CDC73: variants seen among roughly 807,000 people sequenced by gnomAD.
CDC73 encodes parafibromin.
CDC73 carries 21 observed loss-of-function variants against 83.7 expected under a neutral mutation model. The ratio of observed to expected loss-of-function variants is 0.25; its 90% CI spans 0.18 to 0.36. The LOEUF is 0.36. Among genes scored for constraint, CDC73 ranks in the 10% least tolerant of loss-of-function variants. CDC73 has a pLI of 1.00. For missense variants in CDC73, 342 were observed against 653.3 expected (o/e 0.52, Z 5.19); for synonymous variants, 224 against 212.9 (o/e 1.05, Z -0.45).
chr1:193,144,168 A>G (rs1675954962), intron 7 of CDC73, among the ~76,000 whole-genome samples: 1 of 150,324 alleles, frequency 6.7e-6, no homozygotes, highest in African/African-American at 2.4e-5. Flanking sequence ...TTATTTTTGC[A>G]AGGACCCCAA....
At chr1:193,234,873 T>G (rs1677730335) in intron 14 of CDC73, among the ~76,000 whole-genome samples, 1 of 150,102 alleles carries the variant, frequency 6.7e-6, no homozygotes, top group South Asian at 2.1e-4. Flanking sequence ...TTTTTTAACT[T>G]AAGATTTAAT....
At chr1:193,211,799 A>G (rs930794723) in intron 11 of CDC73, among the ~76,000 whole-genome samples, 2 of 152,236 alleles carry the variant, frequency 1.3e-5, no homozygotes, top group Non-Finnish European at 2.9e-5. Context: ...TTTTCAGACC[A>G]CAGTGGACTG....
At position 193,205,195 on chromosome 1, in the gene CDC73, T is replaced by TCC. The variant is rs34118735; in HGVS notation, c.1030+1355_1030+1356dup. Among the ~76,000 whole-genome samples the TCC allele has an allele frequency of 7.3e-4, 47 of 64,460 alleles. 3 individuals are homozygous for TCC. Among genetic ancestry groups the TCC allele is most frequent in the African/African-American group, 3.9e-3 (36 of 9,252 alleles). The allele number at this position is 64,460 out of a possible 152,430, so 42.3% of individuals were successfully genotyped here. On this transcript the variant is annotated intron_variant, in intron 11 of 16. Transcript: ENST00000367435. Reference sequence around the variant, plus strand: ...TTTCAGTGCTAGGCTATACCACCTGTCCCCCCCCCCCCCTTTTTTTTTAAA... The same window carrying TCC: ...TTTCAGTGCTAGGCTATACCACCTGTCCCCCCCCCCCCCCCTTTTTTTTTAAA...
chr1:193,144,219 C>T (rs1675955737), intron 7 of CDC73, among the ~76,000 whole-genome samples: 1 of 151,108 alleles, frequency 6.6e-6, no homozygotes, highest in Non-Finnish European at 1.5e-5. Context: ...AGAAAACACA[C>T]CTTTAAACTT....
chr1:193,201,037 T>C (rs1677082407), intron 10 of CDC73, among the ~76,000 whole-genome samples: 1 of 152,186 alleles, frequency 6.6e-6, no homozygotes, highest in Admixed American at 6.5e-5. Context: ...TCTACTGTTT[T>C]GTCATTAGTC....
At chr1:193,145,289 A>C (rs1006093281) in intron 7 of CDC73, among the ~76,000 whole-genome samples, 1 of 152,210 alleles carries the variant, frequency 6.6e-6, no homozygotes, top group African/African-American at 2.4e-5. Flanking sequence ...GCATTTTGGT[A>C]TGATATCAAA....
At chr1:193,232,554 C>G (rs1677678826) in intron 13 of CDC73, among the ~76,000 whole-genome samples, 1 of 152,134 alleles carries the variant, frequency 6.6e-6, no homozygotes, top group African/African-American at 2.4e-5. Flanking sequence ...TCTGTACTTG[C>G]AGAGCAGGTT....
rs1379029977 is a variant in CDC73 at position 193,251,695 on chromosome 1, G to A, written c.*983G>A. On this transcript the variant is annotated 3_prime_UTR_variant, in exon 17 of 17. Coordinates refer to ENST00000367435, the MANE Select transcript of CDC73 (RefSeq NM_024529.5). ...TGAAAAGAAACAAGAGAAAAACACTGGTATTTTTATGTCTGTATTCAATAT... is the reference window on the plus strand; with the variant it reads ...TGAAAAGAAACAAGAGAAAAACACTAGTATTTTTATGTCTGTATTCAATAT... The A allele has an allele frequency of 4.3e-6, 1 of 231,552 alleles. No homozygotes were observed. Among genetic ancestry groups the A allele is most frequent in the Non-Finnish European group, 8.6e-6 (1 of 116,870 alleles). 14.3% of individuals were successfully genotyped at this position (231,552 alleles called of 1,614,324 possible). A position where few individuals can be genotyped will look rare whatever the true frequency, so the allele number is the denominator to read the frequency against.
At chr1:193,203,992 G>A (rs563894066) in intron 11 of CDC73, 140 bp downstream of exon 11, 28 of 735,438 alleles carry the variant, frequency 3.8e-5, no homozygotes, top group East Asian at 3.8e-4. Flanking sequence ...GAAGACTGTC[G>A]ATACTGTTTA....
chr1:193,226,474 T>C (rs1320663079), intron 13 of CDC73, among the ~76,000 whole-genome samples: 2 of 152,204 alleles, frequency 1.3e-5, no homozygotes, highest in Non-Finnish European at 2.9e-5. Context: ...ATGACTTTTA[T>C]TGCATTGAGG....
chr1:193,180,639 A>G (rs572355338), intron 10 of CDC73: 2 of 1,614,140 alleles, frequency 1.2e-6, no homozygotes, highest in South Asian at 1.1e-5. Context: ...AGAAGACAGG[A>G]TAACGCTCAC....
intron 15 of CDC73, 42 bp from the exon 16 acceptor site, chr1:193,249,688 A>G (rs199546888): frequency 5.5e-5 from 84 of 1,522,570 alleles, no homozygotes; most frequent in Non-Finnish European, 7.2e-5. Context: ...CTTTTTTTTT[A>G]TTTTGAGTAA....
Position 193,203,644 on chromosome 1 carries a change from A to G in CDC73, c.973-151A>G, listed in dbSNP as rs546848500. On this transcript the variant is annotated intron_variant, in intron 10 of 16. Transcript: ENST00000367435. ...GTTTTCATTTTTATTTTTTTCTTAA[A>G]CTGTAGGTCATAACATGTTCAGTGG... 7 of 650,666 alleles carry G rather than the reference A, an allele frequency of 1.1e-5. No individual in the cohort carries two copies. The African/African-American group carries it at 1.3e-4, about 12-fold the overall frequency. The allele number at this position is 650,666 out of a possible 1,614,324, so 40.3% of individuals were successfully genotyped here.
intron 10 of CDC73, among the ~76,000 whole-genome samples, chr1:193,188,431 G>C (rs1053303211): frequency 3.3e-5 from 5 of 151,686 alleles, no homozygotes; most frequent in African/African-American, 1.2e-4. Context: ...GGCACTGCTA[G>C]AGAAATTGTG....
At chr1:193,235,718 A>ATAT (rs1347448851) in intron 14 of CDC73, among the ~76,000 whole-genome samples, 2 of 152,330 alleles carry the variant, frequency 1.3e-5, no homozygotes, top group African/African-American at 4.8e-5. Flanking sequence ...AAAAATTATA[A>ATAT]AAGTCTAAAT....
chr1:193,132,708 GT>G (rs1168378681), intron 3 of CDC73, among the ~76,000 whole-genome samples: 1 of 151,036 alleles, frequency 6.6e-6, no homozygotes, highest in Non-Finnish European at 1.5e-5. Flanking sequence ...GAAAATAGTG[GT>G]TTTTTTTGTT....
At chr1:193,237,386 A>G (rs1040483248) in intron 15 of CDC73, among the ~76,000 whole-genome samples, 2 of 152,154 alleles carry the variant, frequency 1.3e-5, no homozygotes, top group Non-Finnish European at 2.9e-5. Context: ...GGTGGGAGAA[A>G]TAGAAAAAAG....
intron 13 of CDC73, among the ~76,000 whole-genome samples, chr1:193,223,996 G>T (rs1677517244): frequency 6.6e-6 from 1 of 151,190 alleles, no homozygotes; most frequent in Non-Finnish European, 1.5e-5. Context: ...TTATCTTTAT[G>T]TTGGAAATAT....
At chr1:193,180,727 G>A in intron 10 of CDC73, 11 of 1,614,086 alleles carry the variant, frequency 6.8e-6, no homozygotes, top group Non-Finnish European at 9.3e-6. Flanking sequence ...TAGGTAACCA[G>A]TGAAATAGTT....
Sources: gnomAD v4.1 joint callset for allele counts (sites outside exome capture counted in the v4.1 genomes callset) on GRCh38, gnomAD v4.1.1 for gene constraint, MANE v1.5 for transcripts, NCBI Gene and HGNC (gene_info 2026-07-23, HGNC 2026-07-21) for gene names.